Variants in ST18 observed in about 807,000 individuals in gnomAD.
ST18 encodes the protein suppression of tumorigenicity 18 protein.
In ST18, 50 loss-of-function variants were observed where a neutral mutation model predicts 110.0. The observed-to-expected ratio is 0.45, with a 90% confidence interval of 0.36 to 0.58. ST18 has a LOEUF of 0.58. Ranked by LOEUF, ST18 falls within the 20% of genes least tolerant of loss-of-function variation. The pLI is 0.00. For synonymous variants in ST18, 461 were observed against 452.4 expected (o/e 1.02, Z -0.24); for missense variants, 1,306 against 1,280.1 (o/e 1.02, Z -0.31).
intron 8 of ST18, chr8:52,201,517 CCA>C (rs900610737): frequency 6.6e-6 from 1 of 152,276 alleles, no homozygotes; most frequent in Non-Finnish European, 1.5e-5. Context: ...AGAACATTCC[CCA>C]CCCCAGCTTT....
intron 3 of ST18, among the ~76,000 whole-genome samples, chr8:52,226,909 T>A (rs534590668): frequency 6.6e-6 from 1 of 152,230 alleles, no homozygotes; most frequent in Non-Finnish European, 1.5e-5. Context: ...TATCCATCTT[T>A]AATAGGTTCT....
chr8:52,246,467 T>G (rs1564297770), intron 2 of ST18: 1 of 152,228 alleles, frequency 6.6e-6, no homozygotes, highest in Non-Finnish European at 1.5e-5. Context: ...ACAGAGAGTT[T>G]AAGTTGAAGT....
intron 15 of ST18, among the ~76,000 whole-genome samples, chr8:52,150,659 T>A (rs1158428411): frequency 1.3e-5 from 2 of 152,194 alleles, no homozygotes; most frequent in African/African-American, 4.8e-5. Flanking sequence ...GCTGACAGCC[T>A]GACTGAGGTT....
intron 2 of ST18, among the ~76,000 whole-genome samples, chr8:52,408,759 A>G (rs546684986): frequency 2.6e-4 from 39 of 152,330 alleles, no homozygotes; most frequent in African/African-American, 9.4e-4. Flanking sequence ...TCAAAGAAAG[A>G]ACCATGAAGT....
At chr8:52,325,222 A>T (rs867983506) in intron 2 of ST18, among the ~76,000 whole-genome samples, 1 of 152,200 alleles carries the variant, frequency 6.6e-6, no homozygotes, top group Non-Finnish European at 1.5e-5. Flanking sequence ...AGGGGGGAAA[A>T]GAAAAACATG....
At chr8:52,264,074 C>T (rs1238738816) in intron 2 of ST18, among the ~76,000 whole-genome samples, 1 of 152,144 alleles carries the variant, frequency 6.6e-6, no homozygotes, top group Non-Finnish European at 1.5e-5. Flanking sequence ...TCTGGGATTA[C>T]AGGCGTGAGC....
chr8:52,348,219 A>T (rs1400263231), intron 2 of ST18, among the ~76,000 whole-genome samples: 1 of 152,198 alleles, frequency 6.6e-6, no homozygotes, highest in Non-Finnish European at 1.5e-5. Context: ...TATAGAAATG[A>T]TTTACAAACC....
chr8:52,334,890 C>T (rs1212387872), intron 2 of ST18, among the ~76,000 whole-genome samples: 1 of 152,190 alleles, frequency 6.6e-6, no homozygotes, highest in Non-Finnish European at 1.5e-5. Flanking sequence ...GCAGAGCTAA[C>T]TCCAAGCTTG....
chr8:52,181,683 A>T (rs1203994389), intron 8 of ST18, among the ~76,000 whole-genome samples: 13 of 152,220 alleles, frequency 8.5e-5, no homozygotes, highest in Admixed American at 8.5e-4. Context: ...AATGGAATAT[A>T]ACCAGATGAC....
intron 2 of ST18, among the ~76,000 whole-genome samples, chr8:52,241,741 T>G (rs2093423716): frequency 6.6e-6 from 1 of 152,256 alleles, no homozygotes; most frequent in Non-Finnish European, 1.5e-5. Context: ...TTCACTGTCT[T>G]AAAAACTTTA....
chr8:52,119,365 C>G (rs2043778210), intron 23 of ST18, among the ~76,000 whole-genome samples: 1 of 151,998 alleles, frequency 6.6e-6, no homozygotes, highest in South Asian at 2.1e-4. Flanking sequence ...AGGTAATTTA[C>G]CTCCTAGAAG....
intron 9 of ST18, 124 bp from the exon 10 acceptor site, chr8:52,172,707 G>A: frequency 1.5e-6 from 1 of 657,338 alleles, no homozygotes; most frequent in Non-Finnish European, 2.5e-6. Flanking sequence ...ATACATATAT[G>A]TACACATATA....
chr8:52,247,857 C>A (rs114871456), intron 2 of ST18, among the ~76,000 whole-genome samples: 2,535 of 152,256 alleles, frequency 0.017, 55 homozygotes, highest in African/African-American at 0.057. Context: ...ATTTTCCCCA[C>A]ATACATTTTA....
At position 52,149,970 on chromosome 8, in the gene ST18, T is replaced by C; in HGVS notation, c.1814A>G (p.Glu605Gly). 1.2e-6 allele frequency: 2 copies of C among 1,613,750 alleles called. No individual in the cohort carries two copies. The highest frequency in any genetic ancestry group is 1.7e-6 in the Non-Finnish European group (2 of 1,179,828). Residue 605 changes from glutamate (E) to glycine (G), a missense_variant, in exon 16 of 26, where the codon GAA becomes GGA. Coordinates refer to ENST00000689386, the MANE Select transcript of ST18 (RefSeq NM_001352837.2). ...TGTGCCATTTTCATCCACTTCTATTTCGGCTCCCTGGTATACAATAGGAAA... is the reference window on the plus strand; with the variant it reads ...TGTGCCATTTTCATCCACTTCTATTCCGGCTCCCTGGTATACAATAGGAAA... ...KPQSLHAKGA[E>G]IEVDENGTLD...
intron 2 of ST18, among the ~76,000 whole-genome samples, chr8:52,284,581 G>A (rs758356047): frequency 1.3e-5 from 2 of 152,066 alleles, no homozygotes; most frequent in South Asian, 2.1e-4. Flanking sequence ...GGTGGAGCTG[G>A]GAGAGGAAAA....
intron 2 of ST18, among the ~76,000 whole-genome samples, chr8:52,331,502 G>A (rs188631334): frequency 1.3e-5 from 2 of 152,008 alleles, no homozygotes; most frequent in Admixed American, 6.6e-5. Context: ...TACCCAGCCC[G>A]TCTCTGCAAT....
chr8:52,167,016 T>C, intron 10 of ST18, 30 bp from the exon 11 acceptor site: 1 of 1,580,920 alleles, frequency 6.3e-7, no homozygotes, highest in Non-Finnish European at 8.6e-7. Flanking sequence ...AGAAATGCAT[T>C]TGGTTATTCT....
At chr8:52,201,151 G>A (rs1451796544) in intron 8 of ST18, 1 of 152,370 alleles carries the variant, frequency 6.6e-6, no homozygotes, top group Non-Finnish European at 1.5e-5. Flanking sequence ...GGAAACCAGG[G>A]AGGTTGCAAT....
chr8:52,209,669 C>T (rs1279272693), intron 8 of ST18, among the ~76,000 whole-genome samples: 2 of 150,354 alleles, frequency 1.3e-5, no homozygotes, highest in East Asian at 4.0e-4. Flanking sequence ...ACTCGACAGG[C>T]TGAGGCAAGA....
Sources: allele counts gnomAD v4.1 joint callset (sites outside exome capture counted in the v4.1 genomes callset), GRCh38; gene constraint gnomAD v4.1.1; transcripts MANE v1.5; gene names NCBI Gene and HGNC (gene_info 2026-07-23, HGNC 2026-07-21).